The following ARHGAP28 variants were observed in gnomAD, a reference collection of about 807,000 sequenced individuals.
ARHGAP28 encodes the protein Rho GTPase activating protein 28, also known as rho GTPase-activating protein 28.
In ARHGAP28, 56 loss-of-function variants were observed where a neutral mutation model predicts 90.7. The observed-to-expected ratio is 0.62, with a 90% CI of 0.50 to 0.77. The LOEUF (loss-of-function observed/expected upper bound fraction) is 0.77. ARHGAP28 is among the 30% of genes least tolerant of loss of function. The pLI, the probability that ARHGAP28 is intolerant of heterozygous loss-of-function variation, is 0.00. For synonymous variants in ARHGAP28, 308 were observed against 323.3 expected (o/e 0.95, Z 0.51); for missense variants, 869 against 900.9 (o/e 0.96, Z 0.45).
chr18:6,782,639 G>A (rs1477463872), intron 1 of ARHGAP28, among the ~76,000 whole-genome samples: 5 of 109,210 alleles, frequency 4.6e-5, no homozygotes, highest in Non-Finnish European at 5.2e-5. Flanking sequence ...TAGTAGAGAC[G>A]GGGTTTCACC....
intron 1 of ARHGAP28, among the ~76,000 whole-genome samples, chr18:6,746,983 G>A (rs895654309): frequency 2.0e-5 from 3 of 151,650 alleles, no homozygotes; most frequent in Non-Finnish European, 4.4e-5. Context: ...AATTATATAT[G>A]TATGATGAAT....
chr18:6,906,208 G>A (rs923051344), intron 16 of ARHGAP28, among the ~76,000 whole-genome samples: 2 of 152,010 alleles, frequency 1.3e-5, no homozygotes, highest in African/African-American at 2.4e-5. Context: ...TAGATCAATG[G>A]AATAGAATAC....
intron 1 of ARHGAP28, among the ~76,000 whole-genome samples, chr18:6,815,829 GT>G (rs2056586632): frequency 6.6e-6 from 1 of 151,526 alleles, no homozygotes; most frequent in African/African-American, 2.4e-5. Flanking sequence ...CATTGCCACC[GT>G]TCCCATTACT....
Position 6,841,185 on chromosome 18 carries a change from CT to C in ARHGAP28, c.543+3772del, listed in dbSNP as rs1387433068. On this transcript the variant is annotated intron_variant, in intron 3 of 17. Transcript: ENST00000383472. ...TCTCTCTCCTCTCTCTCTCTCCTCT[CT>C]CTCTCTCTCTCTCTCTCCTCTCCTC... Among the ~76,000 whole-genome samples, 90 of 56,472 alleles carry C rather than the reference CT, an allele frequency of 1.6e-3. 1 individual carries two copies. Among genetic ancestry groups the C allele is most frequent in the South Asian group, 6.8e-3 (8 of 1,182 alleles). The allele number at this position is 56,472 out of a possible 152,430, so 37.0% of individuals were successfully genotyped here.
At chr18:6,869,676 A>G (rs894846039) in intron 6 of ARHGAP28, among the ~76,000 whole-genome samples, 1 of 152,176 alleles carries the variant, frequency 6.6e-6, no homozygotes, top group South Asian at 2.1e-4. Context: ...CCTAATTTTA[A>G]TGTAAAATTA....
chr18:6,773,473 C>T (rs2056259544), intron 1 of ARHGAP28, among the ~76,000 whole-genome samples: 1 of 152,164 alleles, frequency 6.6e-6, no homozygotes, highest in African/African-American at 2.4e-5. Context: ...ATGCAGTTCT[C>T]ATAATAGCTT....
intron 1 of ARHGAP28, among the ~76,000 whole-genome samples, chr18:6,815,666 A>C (rs2056585431): frequency 6.6e-6 from 1 of 152,162 alleles, no homozygotes; most frequent in South Asian, 2.1e-4. Context: ...TCAGTTTGTC[A>C]TATATAAAGC....
intron 5 of ARHGAP28, among the ~76,000 whole-genome samples, chr18:6,862,103 G>A (rs2143412332): frequency 6.6e-6 from 1 of 152,186 alleles, no homozygotes; most frequent in Admixed American, 6.5e-5. Context: ...TTTTAGAAAA[G>A]GTAAACAAAA....
chr18:6,758,732 T>C (rs1010340728), intron 1 of ARHGAP28, among the ~76,000 whole-genome samples: 14 of 152,218 alleles, frequency 9.2e-5, no homozygotes, highest in Non-Finnish European at 1.0e-4. Context: ...CATTTGTAGG[T>C]AGACAGACCT....
At chr18:6,902,366 A>G (rs1409632002) in intron 16 of ARHGAP28, among the ~76,000 whole-genome samples, 1 of 152,174 alleles carries the variant, frequency 6.6e-6, no homozygotes, top group Non-Finnish European at 1.5e-5. Context: ...CCATTGTCAT[A>G]GTTTTTCTGT....
chr18:6,872,387 T>G (rs1447487944), intron 7 of ARHGAP28, among the ~76,000 whole-genome samples: 1 of 152,226 alleles, frequency 6.6e-6, no homozygotes, highest in Non-Finnish European at 1.5e-5. Flanking sequence ...ATCCTATATT[T>G]TGTTTCATTT....
At chr18:6,896,668 A>T in intron 16 of ARHGAP28, 42 bp downstream of exon 16, 1 of 1,606,238 alleles carries the variant, frequency 6.2e-7, no homozygotes, top group Non-Finnish European at 8.5e-7. Flanking sequence ...AGAAGGAAAA[A>T]CCTTTATCAG....
intron 3 of ARHGAP28, among the ~76,000 whole-genome samples, chr18:6,848,717 C>T (rs910981052): frequency 3.3e-5 from 5 of 152,130 alleles, no homozygotes; most frequent in African/African-American, 1.2e-4. Flanking sequence ...CTATGCCAAC[C>T]CATTGGCTGT....
At chr18:6,827,120 TCA>T (rs1319806563) in intron 2 of ARHGAP28, among the ~76,000 whole-genome samples, 1 of 152,216 alleles carries the variant, frequency 6.6e-6, no homozygotes, top group African/African-American at 2.4e-5. Flanking sequence ...ATCCGATTTC[TCA>T]GTCTCTTCCC....
At chr18:6,904,653 CT>C (rs1273846983) in intron 16 of ARHGAP28, among the ~76,000 whole-genome samples, 1 of 151,936 alleles carries the variant, frequency 6.6e-6, no homozygotes, top group Non-Finnish European at 1.5e-5. Flanking sequence ...AAAGTTGGTT[CT>C]TTTAAAAAAC....
rs1046520422 is a variant in ARHGAP28, at chr18:6,915,315, C to T, written c.*3161C>T. The stretch of plus-strand genomic sequence containing the variant: ...GAAAGCTCATATGAGTTAAAATGTC[C>T]CTTCTTCCTAGCGAGCATATTTCAA... On this transcript the variant is annotated 3_prime_UTR_variant, in exon 18 of 18. Transcript: ENST00000383472. The T allele has an allele frequency of 3.9e-5, 6 of 152,152 alleles. No individual in the cohort carries two copies. Among genetic ancestry groups the T allele is most frequent in the African/African-American group, 1.4e-4 (6 of 41,434 alleles). The allele number at this position is 152,152 out of a possible 1,614,324, so 9.4% of individuals were successfully genotyped here.
At chr18:6,756,540 GA>G (rs1004630162) in intron 1 of ARHGAP28, among the ~76,000 whole-genome samples, 7 of 152,066 alleles carry the variant, frequency 4.6e-5, no homozygotes, top group African/African-American at 1.7e-4. Flanking sequence ...CATTTACATT[GA>G]AAAAATGTTT....
intron 17 of ARHGAP28, among the ~76,000 whole-genome samples, chr18:6,910,964 C>G (rs796691355): frequency 6.6e-6 from 1 of 151,998 alleles, no homozygotes; most frequent in East Asian, 2.0e-4. Flanking sequence ...CCTGCCTCAG[C>G]CTCCGGAGTA....
intron 14 of ARHGAP28, 86 bp from the exon 15 acceptor site, chr18:6,894,749 C>T: frequency 9.2e-7 from 1 of 1,084,074 alleles, no homozygotes; most frequent in Non-Finnish European, 1.4e-6. Context: ...AAAATGTTCT[C>T]CATAAAGATT....
Sources: allele counts gnomAD v4.1 joint callset (sites outside exome capture counted in the v4.1 genomes callset), GRCh38; gene constraint gnomAD v4.1.1; transcripts MANE v1.5; gene names NCBI Gene and HGNC (gene_info 2026-07-23, HGNC 2026-07-21).